FRMD4A: variants seen among roughly 807,000 people sequenced by gnomAD.
FRMD4A encodes FERM domain containing 4A.
A neutral mutation model predicts 129.1 loss-of-function variants in FRMD4A; 29 were observed. The observed-to-expected ratio is 0.22, with a 90% CI of 0.17 to 0.31. FRMD4A has a LOEUF of 0.31. Ranked by LOEUF, FRMD4A falls within the 10% of genes least tolerant of loss-of-function variation. The pLI is 1.00. For synonymous variants in FRMD4A, 634 were observed against 571.6 expected, an observed-to-expected ratio of 1.11 and a Z score of -1.56; for missense variants, 1,272 against 1,375.8, an observed-to-expected ratio of 0.92 and a Z score of 1.19.
intron 2 of FRMD4A, among the ~76,000 whole-genome samples, chr10:14,059,741 C>T (rs978330678): frequency 3.3e-5 from 5 of 152,342 alleles, no homozygotes; most frequent in South Asian, 2.1e-4. Context: ...AAGCTTCTCA[C>T]GAGCATCTCA....
intron 2 of FRMD4A, among the ~76,000 whole-genome samples, chr10:14,222,274 A>C (rs1053040810): frequency 6.6e-6 from 1 of 152,248 alleles, no homozygotes; most frequent in African/African-American, 2.4e-5. Context: ...AATTATCAAC[A>C]AACCTCAGTG....
In FRMD4A at chr10:13,853,655, G is replaced by A. The variant is rs115841114; in HGVS notation, c.111+5192C>T. On this transcript the variant is annotated intron_variant, in intron 3 of 24. Coordinates refer to ENST00000357447, the MANE Select transcript of FRMD4A (RefSeq NM_018027.5). ...TCCAGACCAGCCTCGTCAACACGGCGCAACCCTGTCTCTACTAAAAATACA... is the reference window on the plus strand; with the variant it reads ...TCCAGACCAGCCTCGTCAACACGGCACAACCCTGTCTCTACTAAAAATACA... Among the ~76,000 whole-genome samples the A allele has an allele frequency of 6.6e-3, 1,005 of 152,034 alleles. 15 individuals carry two copies. The highest frequency in any genetic ancestry group is 0.023 in the African/African-American group (967 of 41,472).
intron 14 of FRMD4A, among the ~76,000 whole-genome samples, chr10:13,695,128 C>T (rs904259071): frequency 1.3e-5 from 2 of 151,084 alleles, no homozygotes; most frequent in Non-Finnish European, 2.9e-5. Flanking sequence ...TTCCTAAAAG[C>T]AGCGGTTTTT....
rs937956513 is a variant in FRMD4A at position 14,081,059 on chromosome 10, C to A, written c.46-222147G>T. Among the ~76,000 whole-genome samples, 15 of 152,094 alleles carry A rather than the reference C, an allele frequency of 9.9e-5. No individual in the cohort carries two copies. The East Asian group carries it at 2.1e-3, about 22-fold the overall frequency. On this transcript the variant is annotated intron_variant, in intron 2 of 24. Transcript: ENST00000357447. ...AAGATTACTCAGGTTGTAATAATAG[C>A]CCATAAATTAGTAAGTACCATTAAG... is the stretch of plus-strand genomic sequence containing the variant.
At chr10:14,038,319 T>C (rs1245525134) in intron 2 of FRMD4A, among the ~76,000 whole-genome samples, 1 of 152,058 alleles carries the variant, frequency 6.6e-6, no homozygotes, top group South Asian at 2.1e-4. Context: ...CGAGACTCCG[T>C]CTCAAAATAA....
chr10:13,763,001 A>G (rs1352676663), intron 6 of FRMD4A, among the ~76,000 whole-genome samples: 1 of 152,028 alleles, frequency 6.6e-6, no homozygotes, highest in Non-Finnish European at 1.5e-5. Context: ...CAAACAAACA[A>G]AAAGCCTTAT....
intron 2 of FRMD4A, among the ~76,000 whole-genome samples, chr10:13,905,367 G>A (rs2094871239): frequency 6.6e-6 from 1 of 152,116 alleles, no homozygotes; most frequent in Non-Finnish European, 1.5e-5. Flanking sequence ...CTTTGTTCAT[G>A]TACTTTTAAC....
At chr10:14,083,690 T>G (rs928107416) in intron 2 of FRMD4A, 24 of 152,346 alleles carry the variant, frequency 1.6e-4, no homozygotes, top group African/African-American at 5.8e-4. Flanking sequence ...TGTCCACCGA[T>G]GGATGAGGAG....
At chr10:13,922,086 A>G (rs1360165269) in intron 2 of FRMD4A, among the ~76,000 whole-genome samples, 1 of 152,192 alleles carries the variant, frequency 6.6e-6, no homozygotes, top group Non-Finnish European at 1.5e-5. Flanking sequence ...ACACAGCAAG[A>G]AGGTGGCCGT....
intron 2 of FRMD4A, among the ~76,000 whole-genome samples, chr10:14,213,867 T>C (rs934831334): frequency 3.3e-5 from 5 of 152,242 alleles, no homozygotes; most frequent in Admixed American, 6.5e-5. Context: ...ATAAGTCTCC[T>C]GAGATCTGAT....
intron 2 of FRMD4A, among the ~76,000 whole-genome samples, chr10:13,898,659 TGA>T (rs1192977678): frequency 2.3e-4 from 35 of 152,320 alleles, no homozygotes; most frequent in African/African-American, 8.4e-4. Flanking sequence ...AATTAAGAGA[TGA>T]TGGCTTAGCT....
At chr10:14,038,859 C>T (rs1180925529) in intron 2 of FRMD4A, among the ~76,000 whole-genome samples, 2 of 152,192 alleles carry the variant, frequency 1.3e-5, no homozygotes, top group Admixed American at 1.3e-4. Flanking sequence ...CTGTTACTCT[C>T]CTGCGAATCT....
intron 2 of FRMD4A, among the ~76,000 whole-genome samples, chr10:14,271,277 T>G (rs188202522): frequency 2.0e-5 from 3 of 152,218 alleles, no homozygotes; most frequent in African/African-American, 4.8e-5. Context: ...ATACATTTTT[T>G]TAAAAGTTAG....
At chr10:13,924,290 A>C (rs2095105272) in intron 2 of FRMD4A, among the ~76,000 whole-genome samples, 1 of 152,178 alleles carries the variant, frequency 6.6e-6, no homozygotes. Flanking sequence ...AAGTTCCTCC[A>C]ATGACTTCTC....
chr10:14,174,932 C>G (rs948971977), intron 2 of FRMD4A, among the ~76,000 whole-genome samples: 2 of 149,590 alleles, frequency 1.3e-5, no homozygotes, highest in East Asian at 3.9e-4. Context: ...CGCGCGCGTA[C>G]GGGCACACTG....
At chr10:13,713,587 T>C (rs572953720) in intron 12 of FRMD4A, among the ~76,000 whole-genome samples, 1 of 151,832 alleles carries the variant, frequency 6.6e-6, no homozygotes, top group East Asian at 1.9e-4. Flanking sequence ...GTTTCACATC[T>C]AGAGGGCTGC....
intron 23 of FRMD4A, chr10:13,652,182 G>T: frequency 1.7e-6 from 1 of 591,242 alleles, no homozygotes; most frequent in Non-Finnish European, 3.0e-6. Context: ...GGAGGGACGG[G>T]CCCTCTTTTA....
intron 2 of FRMD4A, among the ~76,000 whole-genome samples, chr10:13,990,537 C>T (rs1301965935): frequency 6.6e-6 from 1 of 152,186 alleles, no homozygotes; most frequent in Non-Finnish European, 1.5e-5. Flanking sequence ...TGCTCCTTGA[C>T]CCTGGCTGAC....
intron 2 of FRMD4A, among the ~76,000 whole-genome samples, chr10:14,251,872 T>G (rs1844453134): frequency 6.6e-6 from 1 of 151,166 alleles, no homozygotes; most frequent in African/African-American, 2.5e-5. Context: ...CAAACGAGCA[T>G]GTGTGCACAC....
Sources: gnomAD v4.1 joint callset for allele counts (sites outside exome capture counted in the v4.1 genomes callset) on GRCh38, gnomAD v4.1.1 for gene constraint, MANE v1.5 for transcripts, NCBI Gene and HGNC (gene_info 2026-07-23, HGNC 2026-07-21) for gene names.